Variants in KCNG3 observed in about 807,000 individuals in gnomAD.
KCNG3 encodes the protein potassium voltage-gated channel modifier subfamily G member 3, also known as voltage-gated potassium channel regulatory subunit KCNG3.
KCNG3 carries 15 observed loss-of-function variants against 29.0 expected under a neutral mutation model. That is an observed-to-expected ratio of 0.52 (90% CI 0.35 to 0.80). KCNG3 has a LOEUF of 0.80. Ranked by LOEUF, KCNG3 falls within the 30% of genes least tolerant of loss-of-function variation. The probability of loss-of-function intolerance (pLI) is 0.01; values close to 1 mark genes in which losing one functional copy is unlikely to be tolerated. For missense variants in KCNG3, 512 were observed against 605.7 expected (o/e 0.85, Z 1.62); for synonymous variants, 322 against 248.9 (o/e 1.29, Z -2.76).
At chr2:42,454,638 G>C (rs1672836413) in intron 1 of KCNG3, among the ~76,000 whole-genome samples, 1 of 152,056 alleles carries the variant, frequency 6.6e-6, no homozygotes, top group African/African-American at 2.4e-5. Context: ...CTTGAACCAG[G>C]GAGGCAGAGG....
At chr2:42,467,277 T>C (rs1367213250) in intron 1 of KCNG3, among the ~76,000 whole-genome samples, 2 of 152,204 alleles carry the variant, frequency 1.3e-5, no homozygotes, top group Non-Finnish European at 2.9e-5. Context: ...CAGATGATTT[T>C]ACAGGCAAGT....
chr2:42,389,252 T>G, the KCNG3 span, among the ~76,000 whole-genome samples: 8 of 152,162 alleles, frequency 5.3e-5, no homozygotes, highest in Non-Finnish European at 4.4e-5. Context: ...TTTTATCACT[T>G]AACAGTGTAT....
the KCNG3 span, among the ~76,000 whole-genome samples, chr2:42,431,453 A>C: frequency 6.6e-6 from 1 of 152,226 alleles, no homozygotes; most frequent in African/African-American, 2.4e-5. Context: ...CACAAGATTT[A>C]TTTAAAATGT....
At chr2:42,407,339 C>G in the KCNG3 span, among the ~76,000 whole-genome samples, 1 of 152,108 alleles carries the variant, frequency 6.6e-6, no homozygotes, top group Non-Finnish European at 1.5e-5. Context: ...CCACACCCAG[C>G]TAATATTTTT....
chr2:42,413,139 A>G, the KCNG3 span, among the ~76,000 whole-genome samples: 2 of 152,012 alleles, frequency 1.3e-5, no homozygotes, highest in Non-Finnish European at 2.9e-5. Flanking sequence ...AGCTAAGACT[A>G]CAGGTGTGTG....
At chr2:42,471,505 G>A (rs1312628699) in intron 1 of KCNG3, among the ~76,000 whole-genome samples, 1 of 152,100 alleles carries the variant, frequency 6.6e-6, no homozygotes, top group Non-Finnish European at 1.5e-5. Context: ...GGGGAACAGG[G>A]TGTGACTACC....
At chr2:42,395,042 T>C in the KCNG3 span, among the ~76,000 whole-genome samples, 1 of 152,112 alleles carries the variant, frequency 6.6e-6, no homozygotes, top group East Asian at 1.9e-4. Flanking sequence ...ACCAAAATGC[T>C]CATCAGAGCA....
In KCNG3 at chr2:42,466,754, T is replaced by C. The variant is rs12997190; in HGVS notation, c.666-22175A>G. Reference sequence around the variant, plus strand: ...TGGCAAAAACTGCAAATACTCTTCCTTTTTTTTTTTTTTTTTGAGATGGAG... The same window carrying C: ...TGGCAAAAACTGCAAATACTCTTCCCTTTTTTTTTTTTTTTTGAGATGGAG... On this transcript the variant is annotated intron_variant, in intron 1 of 1. Coordinates refer to ENST00000306078, the MANE Select transcript of KCNG3 (RefSeq NM_133329.6). Among the ~76,000 whole-genome samples the C allele has an allele frequency of 4.6e-3, 209 of 45,026 alleles. 2 individuals are homozygous for C. The highest frequency in any genetic ancestry group is 0.015 in the Admixed American group (44 of 3,026). 29.5% of individuals were successfully genotyped at this position (45,026 alleles called of 152,430 possible). A position where few individuals can be genotyped will look rare whatever the true frequency, so the allele number is the denominator to read the frequency against.
intron 1 of KCNG3, among the ~76,000 whole-genome samples, chr2:42,454,421 T>C (rs1672831148): frequency 6.6e-6 from 1 of 152,048 alleles, no homozygotes; most frequent in African/African-American, 2.4e-5. Context: ...GAATTTAAAA[T>C]TGGAATATAG....
Position 42,476,967 on chromosome 2 carries a change from C to T in KCNG3, c.665+15870G>A, listed in dbSNP as rs1673441415. Among the ~76,000 whole-genome samples, 3 of 147,552 alleles carry T rather than the reference C, an allele frequency of 2.0e-5. No homozygotes were observed. In the South Asian group the frequency reaches 6.6e-4, roughly 32 times the overall value. ...TTGGGAGGCTGAGACGGCGAGATCA[C>T]GAGGTCCGGAGATCGAGACCATCCT... On this transcript the variant is annotated intron_variant, in intron 1 of 1. Coordinates refer to ENST00000306078, the MANE Select transcript of KCNG3 (RefSeq NM_133329.6).
At chr2:42,389,011 A>G in the KCNG3 span, among the ~76,000 whole-genome samples, 79 of 152,064 alleles carry the variant, frequency 5.2e-4, no homozygotes, top group Non-Finnish European at 1.0e-3. Flanking sequence ...CCTATCTCCC[A>G]GGTTCACGCG....
Position 42,493,064 on chromosome 2 carries a change from C to T in KCNG3, c.438G>A (p.Glu146=). Residue 146 remains glutamate, a synonymous_variant, in exon 1 of 2, where the codon GAG becomes GAA. Transcript: ENST00000306078. The part of the protein sequence containing the change: ...GRDEARPGGA[E]AAPSRRWLER... ...CCAGCCAGCGCCTGGAGGGAGCCGC[C>T]TCGGCCCCGCCGGGGCGCGCCTCGT... The T allele has an allele frequency of 6.5e-7, 1 of 1,535,816 alleles. No homozygotes were observed.
chr2:42,457,721 C>A (rs1304026702), intron 1 of KCNG3, among the ~76,000 whole-genome samples: 3 of 150,154 alleles, frequency 2.0e-5, no homozygotes, highest in Non-Finnish European at 4.4e-5. Flanking sequence ...GAGGGCAAGG[C>A]AGAAGGATCA....
intron 1 of KCNG3, chr2:42,470,125 T>G: frequency 2.2e-6 from 1 of 450,592 alleles, no homozygotes; most frequent in Non-Finnish European, 4.1e-6. Flanking sequence ...TTGAGAGGAA[T>G]AGAAAGGATA....
intron 1 of KCNG3, among the ~76,000 whole-genome samples, chr2:42,466,107 G>A (rs1033165941): frequency 1.3e-5 from 2 of 152,086 alleles, no homozygotes; most frequent in Non-Finnish European, 2.9e-5. Context: ...GTTTAGGTAT[G>A]TTTAAATACA....
In KCNG3 at chr2:42,474,443, G is replaced by A. The variant is rs551312739; in HGVS notation, c.665+18394C>T. ...CTCGGGAGGCTGAGGCACGAGAATC[G>A]CTTGAACCCAGGAGGCGCAGGTTGC... On this transcript the variant is annotated intron_variant, in intron 1 of 1. Coordinates refer to ENST00000306078, the MANE Select transcript of KCNG3 (RefSeq NM_133329.6). Among the ~76,000 whole-genome samples the A allele has an allele frequency of 4.6e-5, 7 of 152,182 alleles. No homozygotes were observed. The East Asian group carries it at 1.2e-3, about 25-fold the overall frequency.
At chr2:42,482,937 AT>A (rs1377616833) in intron 1 of KCNG3, among the ~76,000 whole-genome samples, 1 of 152,042 alleles carries the variant, frequency 6.6e-6, no homozygotes, top group Non-Finnish European at 1.5e-5. Context: ...CCCGGACAAT[AT>A]AGCAAGATCC....
chr2:42,493,684 G>A lies in KCNG3; in HGVS notation c.-183C>T. On this transcript the variant is annotated 5_prime_UTR_variant, in exon 1 of 2. Coordinates refer to ENST00000306078, the MANE Select transcript of KCNG3 (RefSeq NM_133329.6). ...GTCCCTGGGCTCGAGTATCTCCGGCGCTGCTAGTAGCGCGCCCTCCGCCCG... is the reference window on the plus strand; with the variant it reads ...GTCCCTGGGCTCGAGTATCTCCGGCACTGCTAGTAGCGCGCCCTCCGCCCG... The A allele has an allele frequency of 2.4e-6, 1 of 413,490 alleles. No homozygotes were observed. Among genetic ancestry groups the A allele is most frequent in the Non-Finnish European group, 4.0e-6 (1 of 250,206 alleles). 25.6% of individuals were successfully genotyped at this position (413,490 alleles called of 1,614,324 possible).
chr2:42,484,322 C>G (rs1673665371), intron 1 of KCNG3, among the ~76,000 whole-genome samples: 1 of 152,046 alleles, frequency 6.6e-6, no homozygotes, highest in African/African-American at 2.4e-5. Context: ...ATTAGCTGGA[C>G]ATGGTGGTGC....
Sources: gnomAD v4.1 joint callset for allele counts (sites outside exome capture counted in the v4.1 genomes callset) on GRCh38, gnomAD v4.1.1 for gene constraint, MANE v1.5 for transcripts, NCBI Gene and HGNC (gene_info 2026-07-23, HGNC 2026-07-21) for gene names.